The following GRAMD2B variants were observed in gnomAD, a reference collection of about 807,000 sequenced individuals.
GRAMD2B encodes the protein GRAM domain-containing protein 2B.
GRAMD2B carries 41 observed loss-of-function variants against 59.2 expected under a neutral mutation model. The ratio of observed to expected loss-of-function variants is 0.69; its 90% CI spans 0.54 to 0.90. The LOEUF (loss-of-function observed/expected upper bound fraction) is 0.90, where lower values mean the gene tolerates loss of function less well. Ranked by LOEUF, GRAMD2B falls within the 40% of genes least tolerant of loss-of-function variation. GRAMD2B has a pLI of 0.00. For missense variants in GRAMD2B, 424 were observed against 500.5 expected, an observed-to-expected ratio of 0.85 and a Z score of 1.46; for synonymous variants, 161 against 182.7, an observed-to-expected ratio of 0.88 and a Z score of 0.96.
chr5:126,426,610 T>C (rs1196065376), intron 1 of GRAMD2B, among the ~76,000 whole-genome samples: 1 of 152,214 alleles, frequency 6.6e-6, no homozygotes, highest in Non-Finnish European at 1.5e-5. Context: ...CCTTATTGAA[T>C]TTCTCAGAGG....
chr5:126,423,796 T>A (rs999514282), intron 1 of GRAMD2B, 107 bp downstream of exon 1: 13 of 1,065,630 alleles, frequency 1.2e-5, no homozygotes, highest in Non-Finnish European at 1.7e-5. Context: ...GGAGCTCCTA[T>A]ATGGACAATC....
At chr5:126,439,266 T>C (rs1036701755) in intron 1 of GRAMD2B, among the ~76,000 whole-genome samples, 6 of 152,052 alleles carry the variant, frequency 3.9e-5, no homozygotes, top group African/African-American at 1.2e-4. Flanking sequence ...ATATAGATAT[T>C]TCATATATGT....
At chr5:126,386,368 A>C (rs1756131393) in intron 1 of GRAMD2B, among the ~76,000 whole-genome samples, 1 of 152,240 alleles carries the variant, frequency 6.6e-6, no homozygotes, top group Non-Finnish European at 1.5e-5. Context: ...CAAGCTGAGT[A>C]AGAATGATAA....
chr5:126,465,223 G>A (rs759070331), intron 1 of GRAMD2B: 89 of 1,417,818 alleles, frequency 6.3e-5, no homozygotes, highest in Non-Finnish European at 7.6e-5. Flanking sequence ...TGAAACAGGT[G>A]CGACCTGCAG....
chr5:126,365,843 T>C (rs138214674), intron 1 of GRAMD2B, among the ~76,000 whole-genome samples: 104 of 152,250 alleles, frequency 6.8e-4, no homozygotes, highest in African/African-American at 2.2e-3. Flanking sequence ...TAAGCAAATA[T>C]AGTTAAAAGC....
At chr5:126,421,117 TA>T (rs1480618608), upstream of GRAMD2B, among the ~76,000 whole-genome samples, 1 of 152,182 alleles carries the variant, frequency 6.6e-6, no homozygotes, top group African/African-American at 2.4e-5. Context: ...TTAATGTATT[TA>T]ATGGGAGTTT....
chr5:126,371,824 TACTGGATAACTGGTC>T (rs1754782819), intron 1 of GRAMD2B, among the ~76,000 whole-genome samples: 1 of 152,232 alleles, frequency 6.6e-6, no homozygotes, highest in African/African-American at 2.4e-5. Context: ...ACTTTCTTAG[TACTGGATAACTGGTC>T]ACTATGCAAT....
intron 1 of GRAMD2B, among the ~76,000 whole-genome samples, chr5:126,415,837 T>C (rs189142230): frequency 3.9e-5 from 6 of 152,082 alleles, no homozygotes; most frequent in Middle Eastern, 3.4e-3. Context: ...AGAAAATATA[T>C]TTAAAAAGAC....
intron 1 of GRAMD2B, among the ~76,000 whole-genome samples, chr5:126,439,709 A>G (rs771883237): frequency 6.6e-6 from 1 of 152,176 alleles, no homozygotes; most frequent in African/African-American, 2.4e-5. Context: ...TATCAGAAAA[A>G]TTATAAAAGT....
intron 1 of GRAMD2B, among the ~76,000 whole-genome samples, chr5:126,461,254 G>A (rs1300476533): frequency 6.6e-6 from 1 of 152,148 alleles, no homozygotes. Context: ...ACAAGAGAAA[G>A]GTGTATTGAG....
chr5:126,395,378 C>T (rs2149729352), intron 1 of GRAMD2B, among the ~76,000 whole-genome samples: 1 of 152,166 alleles, frequency 6.6e-6, no homozygotes, highest in East Asian at 1.9e-4. Context: ...GCCTGAAGTC[C>T]CCGGCTGGTT....
At chr5:126,396,571 T>G (rs1489369474) in intron 1 of GRAMD2B, among the ~76,000 whole-genome samples, 1 of 152,228 alleles carries the variant, frequency 6.6e-6, no homozygotes, top group East Asian at 1.9e-4. Flanking sequence ...CTTTATGCAG[T>G]TTATTGTTGA....
At chr5:126,487,758 A>G (rs1188316859) in intron 12 of GRAMD2B, among the ~76,000 whole-genome samples, 6 of 152,226 alleles carry the variant, frequency 3.9e-5, no homozygotes, top group Non-Finnish European at 8.8e-5. Context: ...CATTTTACAG[A>G]TGAAGAAACT....
intron 1 of GRAMD2B, among the ~76,000 whole-genome samples, chr5:126,384,728 C>T (rs1205443779): frequency 1.3e-5 from 2 of 152,228 alleles, no homozygotes; most frequent in Non-Finnish European, 2.9e-5. Flanking sequence ...TCTATGCACG[C>T]ACTCTGGTTC....
chr5:126,450,989 GGGCACTGCCTAGT>G (rs1765255820), intron 1 of GRAMD2B, among the ~76,000 whole-genome samples: 1 of 152,268 alleles, frequency 6.6e-6, no homozygotes, highest in Non-Finnish European at 1.5e-5. Flanking sequence ...GTGCCCAACA[GGGCACTGCCTAGT>G]GGAACTGTAG....
At chr5:126,468,770 G>C (rs1356292882) in intron 2 of GRAMD2B, among the ~76,000 whole-genome samples, 2 of 152,100 alleles carry the variant, frequency 1.3e-5, no homozygotes, top group Non-Finnish European at 2.9e-5. Context: ...TTACAGGCAT[G>C]AGCCACTGTG....
chr5:126,455,310 T>G (rs981877441), intron 1 of GRAMD2B, among the ~76,000 whole-genome samples: 2 of 152,192 alleles, frequency 1.3e-5, no homozygotes, highest in African/African-American at 4.8e-5. Flanking sequence ...TCCTTCTGTT[T>G]AAAAATCTTC....
intron 1 of GRAMD2B, among the ~76,000 whole-genome samples, chr5:126,383,522 T>TA (rs1456033468): frequency 2.8e-4 from 43 of 152,238 alleles, no homozygotes; most frequent in Non-Finnish European, 6.3e-4. Context: ...TTATAGGCAT[T>TA]ACTTTATAAA....
intron 2 of GRAMD2B, chr5:126,466,442 T>C (rs1581166764): frequency 3.0e-6 from 2 of 675,972 alleles, no homozygotes; most frequent in Non-Finnish European, 2.7e-6. Flanking sequence ...TTTTTTTTTT[T>C]CCAGTCGGAG....
Sources: allele counts gnomAD v4.1 joint callset (sites outside exome capture counted in the v4.1 genomes callset), GRCh38; gene constraint gnomAD v4.1.1; transcripts MANE v1.5; gene names NCBI Gene and HGNC (gene_info 2026-07-23, HGNC 2026-07-21).